Variants in UBE2E3 observed in about 807,000 individuals in gnomAD.
UBE2E3 encodes ubiquitin conjugating enzyme E2 E3.
Under a neutral mutation model 23.6 loss-of-function variants are expected in UBE2E3, and 5 were observed. That is an observed-to-expected ratio of 0.21 (90% CI 0.11 to 0.44). UBE2E3 has a LOEUF of 0.44. Ranked by LOEUF, UBE2E3 falls within the 20% of genes least tolerant of loss-of-function variation. The pLI is 0.99. For missense variants in UBE2E3, 81 were observed against 249.8 expected, an observed-to-expected ratio of 0.32 and a Z score of 4.55; for synonymous variants, 78 against 87.5, an observed-to-expected ratio of 0.89 and a Z score of 0.60.
intron 3 of UBE2E3, among the ~76,000 whole-genome samples, chr2:181,002,977 T>G (rs1685033328): frequency 6.6e-6 from 1 of 152,260 alleles, no homozygotes; most frequent in Admixed American, 6.5e-5. Flanking sequence ...AGGCTTCTTT[T>G]CAAGGGTTTT....
At chr2:180,993,062 T>C (rs1398255022) in intron 3 of UBE2E3, among the ~76,000 whole-genome samples, 1 of 152,202 alleles carries the variant, frequency 6.6e-6, no homozygotes, top group Non-Finnish European at 1.5e-5. Flanking sequence ...TAAAGTTAAA[T>C]TGTAAAGCCT....
At chr2:181,038,736 CTT>C (rs760504733) in intron 3 of UBE2E3, among the ~76,000 whole-genome samples, 3 of 152,054 alleles carry the variant, frequency 2.0e-5, no homozygotes, top group Non-Finnish European at 2.9e-5. Flanking sequence ...ACATACAAGT[CTT>C]ATATCTTAAT....
intron 3 of UBE2E3, among the ~76,000 whole-genome samples, chr2:181,021,357 CT>C (rs5836764): frequency 0.097 from 14,077 of 144,956 alleles, 760 homozygotes; most frequent in East Asian, 0.19. Flanking sequence ...CTTTTCTCTT[CT>C]TTTTTTTTTG....
chr2:181,056,931 C>T (rs1559137022), intron 3 of UBE2E3, among the ~76,000 whole-genome samples: 1 of 151,720 alleles, frequency 6.6e-6, no homozygotes, highest in Non-Finnish European at 1.5e-5. Context: ...GAGAAGGACA[C>T]ATACTATTTC....
intron 3 of UBE2E3, among the ~76,000 whole-genome samples, chr2:181,057,217 A>G (rs547438218): frequency 2.0e-5 from 3 of 151,974 alleles, no homozygotes; most frequent in African/African-American, 7.2e-5. Flanking sequence ...TTATAATACA[A>G]ATTGTACTTT....
At chr2:181,056,083 A>T (rs1228185855) in intron 3 of UBE2E3, among the ~76,000 whole-genome samples, 1 of 10,316 alleles carries the variant, frequency 9.7e-5, no homozygotes, top group Non-Finnish European at 1.8e-4. Context: ...GAAATGCTTA[A>T]AAAAAAAAAA....
intron 3 of UBE2E3, among the ~76,000 whole-genome samples, chr2:181,054,966 G>T (rs1283855226): frequency 6.6e-6 from 1 of 151,656 alleles, no homozygotes; most frequent in African/African-American, 2.4e-5. Flanking sequence ...AAGAGAAAGT[G>T]TATCAAGGAG....
chr2:181,049,350 T>C (rs143678725), intron 3 of UBE2E3, among the ~76,000 whole-genome samples: 75 of 152,216 alleles, frequency 4.9e-4, no homozygotes, highest in Middle Eastern at 3.4e-3. Flanking sequence ...GCCTGGTCCA[T>C]AGTAGTTATT....
At chr2:181,038,151 T>C (rs1023756573) in intron 3 of UBE2E3, among the ~76,000 whole-genome samples, 1 of 152,192 alleles carries the variant, frequency 6.6e-6, no homozygotes, top group Non-Finnish European at 1.5e-5. Flanking sequence ...GAAAGCTCCA[T>C]TGTGGTAAGT....
intron 3 of UBE2E3, chr2:180,989,901 A>G (rs1312409642): frequency 9.7e-6 from 15 of 1,548,646 alleles, no homozygotes; most frequent in African/African-American, 1.4e-5. Context: ...CAAGTCTTGC[A>G]TAGAGTGTAA....
At chr2:180,992,727 T>C (rs529956734) in intron 3 of UBE2E3, among the ~76,000 whole-genome samples, 61 of 152,226 alleles carry the variant, frequency 4.0e-4, no homozygotes, top group Admixed American at 4.0e-3. Flanking sequence ...AATGGCGCAA[T>C]GTCAGCTCAC....
chr2:181,009,513 ATATTTATACTAGGCTT>A (rs6147053), intron 3 of UBE2E3, among the ~76,000 whole-genome samples: 34,921 of 151,308 alleles, frequency 0.23, 4,375 homozygotes, highest in Non-Finnish European at 0.28. Context: ...TGGAAAATAT[ATATTTATACTAGGCTT>A]TATTTATACT....
chr2:180,996,454 T>A (rs1220677269), intron 3 of UBE2E3, among the ~76,000 whole-genome samples: 1 of 152,196 alleles, frequency 6.6e-6, no homozygotes, highest in Non-Finnish European at 1.5e-5. Context: ...GTCACAATAA[T>A]TGAACTTAAA....
At chr2:181,043,797 CTCT>C (rs1332615972) in intron 3 of UBE2E3, among the ~76,000 whole-genome samples, 3 of 152,176 alleles carry the variant, frequency 2.0e-5, no homozygotes, top group Non-Finnish European at 4.4e-5. Flanking sequence ...TTGTGATCTA[CTCT>C]TCTTTCTTAA....
At chr2:181,016,478 A>G (rs973746237) in intron 3 of UBE2E3, among the ~76,000 whole-genome samples, 2 of 152,066 alleles carry the variant, frequency 1.3e-5, no homozygotes, top group African/African-American at 4.8e-5. Flanking sequence ...AGGTCGTATC[A>G]TTTTCTTAAT....
intron 3 of UBE2E3, among the ~76,000 whole-genome samples, chr2:181,009,155 A>G (rs1016679414): frequency 5.9e-5 from 9 of 152,124 alleles, no homozygotes; most frequent in African/African-American, 2.2e-4. Flanking sequence ...AGAATGTTCT[A>G]TCTAGTCCCA....
At chr2:181,010,344 TA>T (rs1245950822) in intron 3 of UBE2E3, among the ~76,000 whole-genome samples, 4 of 152,168 alleles carry the variant, frequency 2.6e-5, no homozygotes, top group East Asian at 1.9e-4. Context: ...CAATACAGAT[TA>T]TTTTTTTGGG....
At chr2:181,055,552 A>G (rs1337868415) in intron 3 of UBE2E3, among the ~76,000 whole-genome samples, 2 of 151,744 alleles carry the variant, frequency 1.3e-5, no homozygotes, top group East Asian at 1.9e-4. Flanking sequence ...TTAGGACTGG[A>G]TTTTAGCCTT....
chr2:181,005,291 A>C (rs1474083425), intron 3 of UBE2E3, among the ~76,000 whole-genome samples: 1 of 152,192 alleles, frequency 6.6e-6, no homozygotes, highest in Non-Finnish European at 1.5e-5. Flanking sequence ...CTTCAGATTG[A>C]GATGCAGTGT....
Sources: gnomAD v4.1 joint callset for allele counts (sites outside exome capture counted in the v4.1 genomes callset) on GRCh38, gnomAD v4.1.1 for gene constraint, MANE v1.5 for transcripts, NCBI Gene and HGNC (gene_info 2026-07-23, HGNC 2026-07-21) for gene names.